CNIH3: variants seen among roughly 807,000 people sequenced by gnomAD.
The protein encoded by CNIH3 is protein cornichon homolog 3.
A neutral mutation model predicts 24.1 loss-of-function variants in CNIH3; 14 were observed. That is an observed-to-expected ratio of 0.58 (90% CI 0.38 to 0.91). The LOEUF (loss-of-function observed/expected upper bound fraction) is 0.91, where lower values mean the gene tolerates loss of function less well. Ranked by LOEUF, CNIH3 falls within the 40% of genes least tolerant of loss-of-function variation. The pLI is 0.00. For synonymous variants in CNIH3, 68 were observed against 73.8 expected (o/e 0.92, Z 0.40); for missense variants, 178 against 196.8 (o/e 0.90, Z 0.57).
exon 1 of CNIH3, chr1:224,434,688 T>TGCGGCG (rs779741438): frequency 0.011 from 9,613 of 895,630 alleles, 72 homozygotes; most frequent in Non-Finnish European, 0.012. Context: ...CGGCAGTGGC[T>TGCGGCG]GCGGCGGCGG....
intron 1 of CNIH3, among the ~76,000 whole-genome samples, chr1:224,491,464 A>G (rs1041097497): frequency 6.6e-6 from 1 of 152,206 alleles, no homozygotes; most frequent in South Asian, 2.1e-4. Context: ...ATGATATACA[A>G]TTAAATAAAT....
chr1:224,472,455 C>T (rs547067315), intron 1 of CNIH3, among the ~76,000 whole-genome samples: 33 of 152,182 alleles, frequency 2.2e-4, no homozygotes, highest in Non-Finnish European at 4.3e-4. Context: ...ACTACTCAGC[C>T]ATAAAAAGGA....
chr1:224,558,693 C>T (rs889168033), intron 3 of CNIH3, among the ~76,000 whole-genome samples: 16 of 152,118 alleles, frequency 1.1e-4, no homozygotes, highest in Admixed American at 6.5e-5. Flanking sequence ...GGAGTGGTGA[C>T]AAAGTCACAT....
chr1:224,652,273 A>G (rs1405955930), intron 1 of CNIH3, among the ~76,000 whole-genome samples: 1 of 152,002 alleles, frequency 6.6e-6, no homozygotes, highest in Non-Finnish European at 1.5e-5. Flanking sequence ...GAACTGGGGT[A>G]ACTTTAACAT....
chr1:224,568,683 G>A (rs1680687725), intron 4 of CNIH3, among the ~76,000 whole-genome samples: 1 of 152,006 alleles, frequency 6.6e-6, no homozygotes, highest in Admixed American at 6.5e-5. Context: ...GAGCCCAGGG[G>A]CTTGGGGCCG....
intron 1 of CNIH3, among the ~76,000 whole-genome samples, chr1:224,476,162 G>A (rs955118204): frequency 6.6e-6 from 1 of 152,176 alleles, no homozygotes; most frequent in African/African-American, 2.4e-5. Context: ...AAAACTGAAA[G>A]CATTTCCTCA....
chr1:224,565,479 C>G (rs1027007987), intron 3 of CNIH3: 1 of 152,248 alleles, frequency 6.6e-6, no homozygotes, highest in African/African-American at 2.4e-5. Flanking sequence ...GGTGGCGAAC[C>G]CGACACCACC....
At chr1:224,455,790 A>G (rs895058979) in intron 1 of CNIH3, among the ~76,000 whole-genome samples, 2 of 152,238 alleles carry the variant, frequency 1.3e-5, no homozygotes, top group Admixed American at 6.5e-5. Flanking sequence ...AACAGTTACT[A>G]TATCAGTCAT....
intron 4 of CNIH3, among the ~76,000 whole-genome samples, chr1:224,732,151 G>A (rs955417151): frequency 8.5e-5 from 13 of 152,166 alleles, no homozygotes; most frequent in African/African-American, 3.1e-4. Context: ...GGAACTCCAG[G>A]TGGAGAGGTG....
intron 1 of CNIH3, among the ~76,000 whole-genome samples, chr1:224,449,923 A>G (rs1404563986): frequency 6.6e-6 from 1 of 151,748 alleles, no homozygotes; most frequent in Non-Finnish European, 1.5e-5. Context: ...TGCTGAATGG[A>G]TTCTTCCATT....
chr1:224,517,039 A>G (rs973313121), intron 1 of CNIH3, among the ~76,000 whole-genome samples: 2 of 152,168 alleles, frequency 1.3e-5, no homozygotes, highest in African/African-American at 4.8e-5. Flanking sequence ...GGCATCTTGC[A>G]TACTGTGATG....
intron 1 of CNIH3, chr1:224,661,641 A>AG: frequency 3.3e-6 from 1 of 302,418 alleles, no homozygotes. Flanking sequence ...ATGATTGTCA[A>AG]AATGACTTCC....
intron 1 of CNIH3, among the ~76,000 whole-genome samples, chr1:224,475,236 G>A (rs1676535992): frequency 6.6e-6 from 1 of 150,388 alleles, no homozygotes; most frequent in Non-Finnish European, 1.5e-5. Context: ...TGCGCCTGTA[G>A]TCCCAGCTAC....
rs1341560640 is a variant in CNIH3 at position 224,734,359 on chromosome 1, G to A, written c.312-204G>A. On this transcript the variant is annotated intron_variant, in intron 4 of 5. Transcript: ENST00000272133. Reference sequence around the variant, plus strand: ...TGGGTGAAATTGCCATGATGCCAGTGGATTGGAGTATTTGGGGATTTACTA... The same window carrying A: ...TGGGTGAAATTGCCATGATGCCAGTAGATTGGAGTATTTGGGGATTTACTA... 3.3e-5 allele frequency among the ~76,000 whole-genome samples: 5 copies of A among 152,204 alleles called. No homozygotes were observed. The East Asian group carries it at 7.7e-4, about 23-fold the overall frequency.
In CNIH3 at chr1:224,707,739, T is replaced by C. The variant is rs1026748777; in HGVS notation, c.199-22723T>C. On this transcript the variant is annotated intron_variant, in intron 3 of 5. Transcript: ENST00000272133. The stretch of plus-strand genomic sequence containing the variant: ...TGTATGCACATTATTTTGAGCAACA[T>C]GGCCGAGAACCCCGGCTGTCAAGTT... Among the ~76,000 whole-genome samples, 16 of 152,346 alleles carry C rather than the reference T, an allele frequency of 1.1e-4. No homozygotes were observed. In the East Asian group the frequency reaches 2.9e-3, roughly 28 times the overall value.
chr1:224,621,254 C>T (rs1179449558), intron 1 of CNIH3, among the ~76,000 whole-genome samples: 4 of 152,160 alleles, frequency 2.6e-5, no homozygotes, highest in African/African-American at 9.7e-5. Context: ...ACATATGTGC[C>T]GAGAGGCAGT....
chr1:224,723,859 C>T (rs1012800522), intron 3 of CNIH3, among the ~76,000 whole-genome samples: 7 of 152,216 alleles, frequency 4.6e-5, no homozygotes, highest in South Asian at 2.1e-4. Context: ...TTTTGAGTCA[C>T]AGCCACAGTT....
At chr1:224,584,340 C>T (rs575788523) in intron 5 of CNIH3, among the ~76,000 whole-genome samples, 63 of 152,240 alleles carry the variant, frequency 4.1e-4, no homozygotes, top group Middle Eastern at 3.4e-3. Context: ...CTTAGAATAA[C>T]GGTAGACTTA....
At chr1:224,594,908 GT>G (rs1272533385) in intron 3 of CNIH3, among the ~76,000 whole-genome samples, 1 of 152,168 alleles carries the variant, frequency 6.6e-6, no homozygotes, top group African/African-American at 2.4e-5. Context: ...AGCACACATT[GT>G]TTTACTGCAC....
Sources: allele counts gnomAD v4.1 joint callset (sites outside exome capture counted in the v4.1 genomes callset), GRCh38; gene constraint gnomAD v4.1.1; transcripts MANE v1.5; gene names NCBI Gene and HGNC (gene_info 2026-07-23, HGNC 2026-07-21).